Variants in TRPM3 observed in about 807,000 individuals in gnomAD.
TRPM3 encodes the protein transient receptor potential cation channel subfamily M member 3.
A neutral mutation model predicts 181.2 loss-of-function variants in TRPM3; 77 were observed. The observed-to-expected ratio is 0.42, with a 90% CI of 0.35 to 0.51. The LOEUF (loss-of-function observed/expected upper bound fraction) is 0.51. TRPM3 is among the 20% of genes least tolerant of loss of function. The probability of loss-of-function intolerance (pLI) is 0.01; values close to 1 mark genes in which losing one functional copy is unlikely to be tolerated. For missense variants in TRPM3, 1,759 were observed against 2,196.7 expected (o/e 0.80, Z 3.98); for synonymous variants, 745 against 796.4 (o/e 0.94, Z 1.09).
intron 1 of TRPM3, among the ~76,000 whole-genome samples, chr9:71,134,907 T>C (rs1383737535): frequency 2.6e-5 from 4 of 152,198 alleles, no homozygotes; most frequent in Non-Finnish European, 5.9e-5. Flanking sequence ...ACTAAATCAG[T>C]TGGGGAAAAA....
At position 71,171,005 on chromosome 9, in the gene TRPM3, G is replaced by A. The variant is rs543221074; in HGVS notation, c.183+275648C>T. Among the ~76,000 whole-genome samples the A allele has an allele frequency of 4.3e-4, 63 of 147,618 alleles. No individual in the cohort carries two copies. The South Asian group carries it at 8.8e-3, about 21-fold the overall frequency. On this transcript the variant is annotated intron_variant, in intron 1 of 24. Coordinates refer to the TRPM3 transcript ENST00000357533. ...AACATCCCTGAGAAAGAGAATATGC[G>A]CCTGGAGGTATAGGCTTATAAACAG...
intron 1 of TRPM3, among the ~76,000 whole-genome samples, chr9:71,104,164 C>A (rs1280959701): frequency 2.0e-5 from 3 of 152,106 alleles, no homozygotes; most frequent in Non-Finnish European, 4.4e-5. Context: ...GATCCACCCA[C>A]CTTGGGCTCC....
intron 7 of TRPM3, among the ~76,000 whole-genome samples, chr9:70,781,349 A>AAAAAAAAAAAAAAAAAAAG (rs2082419360): frequency 6.9e-6 from 1 of 144,140 alleles, no homozygotes; most frequent in African/African-American, 2.6e-5. Context: ...AAAAAAAAAA[A>AAAAAAAAAAAAAAAAAAAG]GAAAACATGA....
chr9:70,913,707 A>G (rs1016954711), intron 1 of TRPM3, among the ~76,000 whole-genome samples: 5 of 152,120 alleles, frequency 3.3e-5, no homozygotes, highest in Non-Finnish European at 7.3e-5. Flanking sequence ...TGACTAATGG[A>G]TGAATTTTTT....
chr9:70,540,241 T>C (rs956190743), intron 25 of TRPM3, among the ~76,000 whole-genome samples: 13 of 152,350 alleles, frequency 8.5e-5, no homozygotes, highest in African/African-American at 3.1e-4. Flanking sequence ...ATACTTTAGG[T>C]ATTGGGTCTC....
intron 1 of TRPM3, among the ~76,000 whole-genome samples, chr9:70,932,417 A>G (rs1474245230): frequency 1.3e-5 from 2 of 152,092 alleles, no homozygotes; most frequent in Admixed American, 1.3e-4. Context: ...TACAATAATG[A>G]ACAAAAACAG....
chr9:70,630,358 C>G (rs573594908), intron 12 of TRPM3, among the ~76,000 whole-genome samples: 2 of 152,346 alleles, frequency 1.3e-5, no homozygotes, highest in African/African-American at 4.8e-5. Context: ...GGCCAAAGAC[C>G]CTGTTCAGAG....
intron 1 of TRPM3, among the ~76,000 whole-genome samples, chr9:71,064,378 A>G (rs2061663593): frequency 6.6e-6 from 1 of 151,644 alleles, no homozygotes; most frequent in Non-Finnish European, 1.5e-5. Flanking sequence ...TACTTTAAAG[A>G]GCTTAAAAAA....
chr9:71,238,338 T>C (rs1465242881), intron 1 of TRPM3, among the ~76,000 whole-genome samples: 2 of 152,164 alleles, frequency 1.3e-5, no homozygotes, highest in Non-Finnish European at 2.9e-5. Flanking sequence ...TCTCTCTGCC[T>C]ACTCCAAGTG....
intron 1 of TRPM3, among the ~76,000 whole-genome samples, chr9:71,048,332 A>G (rs2059694386): frequency 1.3e-5 from 2 of 152,180 alleles, no homozygotes; most frequent in Admixed American, 1.3e-4. Context: ...TTGATCACCT[A>G]CCTCATTTTA....
chr9:71,032,616 A>C (rs1684183298), intron 1 of TRPM3, among the ~76,000 whole-genome samples: 1 of 152,188 alleles, frequency 6.6e-6, no homozygotes, highest in Admixed American at 6.5e-5. Context: ...TTCCACTGGG[A>C]ATAAACACAC....
intron 9 of TRPM3, among the ~76,000 whole-genome samples, chr9:70,653,000 T>A (rs1047073036): frequency 1.3e-5 from 2 of 152,026 alleles, no homozygotes; most frequent in Non-Finnish European, 2.9e-5. Context: ...CAAGGACTTG[T>A]TAGGTCGATG....
intron 6 of TRPM3, among the ~76,000 whole-genome samples, chr9:70,791,388 G>GA (rs1429444686): frequency 1.3e-5 from 2 of 152,176 alleles, no homozygotes; most frequent in African/African-American, 2.4e-5. Context: ...GAAATTCCTT[G>GA]AAAGATAGCT....
chr9:71,001,328 C>G (rs1316197736), intron 1 of TRPM3, among the ~76,000 whole-genome samples: 6 of 152,102 alleles, frequency 3.9e-5, no homozygotes, highest in Non-Finnish European at 7.4e-5. Flanking sequence ...TCTGGGATAA[C>G]TAACAAATAT....
At chr9:70,917,351 A>T (rs1278392866) in intron 1 of TRPM3, 2 of 1,101,018 alleles carry the variant, frequency 1.8e-6, no homozygotes, top group Non-Finnish European at 2.8e-6. Context: ...AGATACTCCC[A>T]AGTCCAAGAG....
At chr9:70,691,640 A>G (rs2068595683) in intron 8 of TRPM3, among the ~76,000 whole-genome samples, 1 of 152,160 alleles carries the variant, frequency 6.6e-6, no homozygotes, top group Non-Finnish European at 1.5e-5. Flanking sequence ...AGAACCCTGG[A>G]GTTTGTTTCT....
intron 9 of TRPM3, among the ~76,000 whole-genome samples, chr9:70,669,812 C>T (rs978348436): frequency 6.7e-6 from 1 of 149,868 alleles, no homozygotes; most frequent in Non-Finnish European, 1.5e-5. Flanking sequence ...GGTGTGATCA[C>T]TGTGGGCTCA....
intron 6 of TRPM3, chr9:70,811,025 T>A (rs1272544444): frequency 1.5e-6 from 1 of 667,316 alleles, no homozygotes; most frequent in Non-Finnish European, 2.6e-6. Flanking sequence ...TAATTTCTGA[T>A]GTGGTTGAAT....
intron 1 of TRPM3, among the ~76,000 whole-genome samples, chr9:71,431,138 C>T (rs2093947889): frequency 6.6e-6 from 1 of 152,064 alleles, no homozygotes; most frequent in Non-Finnish European, 1.5e-5. Context: ...AATGAAGACA[C>T]TTATTTGTCT....
Sources: allele counts gnomAD v4.1 joint callset (sites outside exome capture counted in the v4.1 genomes callset), GRCh38; gene constraint gnomAD v4.1.1; transcripts MANE v1.5; gene names NCBI Gene and HGNC (gene_info 2026-07-23, HGNC 2026-07-21).